The following EML5 variants were observed in gnomAD, a reference collection of about 807,000 sequenced individuals.
The protein encoded by EML5 is EMAP like 5, also known as echinoderm microtubule-associated protein-like 5.
EML5 carries 120 observed loss-of-function variants against 250.0 expected under a neutral mutation model. The ratio of observed to expected loss-of-function variants is 0.48; its 90% confidence interval spans 0.41 to 0.56. The LOEUF (loss-of-function observed/expected upper bound fraction) is 0.56. Ranked by LOEUF, EML5 falls within the 20% of genes least tolerant of loss-of-function variation. The pLI is 0.00. For synonymous variants in EML5, 771 were observed against 806.5 expected (o/e 0.96, Z 0.75); for missense variants, 2,006 against 2,437.6 (o/e 0.82, Z 3.73).
rs530892949 is a variant in EML5 at position 88,718,353 on chromosome 14, T to C, written c.1188-3158A>G. On this transcript the variant is annotated intron_variant, in intron 8 of 43. Transcript: ENST00000554922. ...AATGAGACTATCTAGGGAGAAAACA[T>C]AGAGTAAAAAGAAGAGAAAGTCTAG... Among the ~76,000 whole-genome samples the C allele has an allele frequency of 4.6e-4, 70 of 152,126 alleles. No homozygotes were observed. The South Asian group carries it at 0.011, about 23-fold the overall frequency.
intron 43 of EML5, 37 bp from the exon 44 acceptor site, chr14:88,615,891 T>C: frequency 1.9e-6 from 3 of 1,592,370 alleles, no homozygotes; most frequent in South Asian, 2.3e-5. Flanking sequence ...GAGTTAATTA[T>C]GTTTTTAGAT....
intron 18 of EML5, among the ~76,000 whole-genome samples, chr14:88,687,542 G>A (rs1055676854): frequency 6.6e-6 from 1 of 152,092 alleles, no homozygotes; most frequent in Non-Finnish European, 1.5e-5. Context: ...TTTACTTTTA[G>A]ATAGGGCTTT....
intron 1 of EML5, among the ~76,000 whole-genome samples, chr14:88,768,181 G>C (rs1034188712): frequency 6.6e-6 from 1 of 152,138 alleles, no homozygotes; most frequent in Non-Finnish European, 1.5e-5. Context: ...GTATCAGAAG[G>C]TTTAGGGTGT....
intron 30 of EML5, 89 bp from the exon 31 acceptor site, chr14:88,643,111 T>G (rs1452194153): frequency 8.0e-7 from 1 of 1,250,214 alleles, no homozygotes; most frequent in Non-Finnish European, 1.1e-6. Flanking sequence ...TAGTAGTGTC[T>G]GCAGTCAAAA....
chr14:88,627,478 G>C, intron 34 of EML5, 168 bp downstream of exon 34: 1 of 588,772 alleles, frequency 1.7e-6, no homozygotes, highest in Non-Finnish European at 2.8e-6. Context: ...GTTCCACTGG[G>C]CTTTTAAAGT....
chr14:88,681,033 ATT>A (rs1595497552), intron 21 of EML5, among the ~76,000 whole-genome samples: 1 of 152,248 alleles, frequency 6.6e-6, no homozygotes, highest in East Asian at 1.9e-4. Flanking sequence ...GGTAGTTAAG[ATT>A]AAAGATAGAA....
chr14:88,616,797 C>G lies in EML5; in HGVS notation c.5725G>C (p.Gly1909Arg). 1 of 1,613,932 alleles carries G rather than the reference C, an allele frequency of 6.2e-7. No homozygotes were observed. Among genetic ancestry groups the G allele is most frequent in the Non-Finnish European group, 8.5e-7 (1 of 1,179,842 alleles). ...DVNCACVSHSGISLVTGDDFG... is the reference protein window; with the variant it reads ...DVNCACVSHSRISLVTGDDFG... ...TCATCTCCTGTAACAAGACTGATTC[C>G]TGAATGAGATACACAGGCACAGTTG... Residue 1909 changes from glycine (G) to arginine (R), a missense_variant, in exon 42 of 44, where the codon GGA becomes CGA. Gly to Arg is a moderately radical substitution (Grantham distance 125, BLOSUM62 -2). This residue lies in a region of EML5 where 405 missense variants were observed against 523.3 expected (regional missense o/e 0.77). Transcript: ENST00000554922.
rs181915340 is a variant in EML5, at chr14:88,671,565, T to A, written c.3125-6076A>T. On this transcript the variant is annotated intron_variant, in intron 21 of 43. Coordinates refer to ENST00000554922, the MANE Select transcript of EML5 (RefSeq NM_183387.3). ...CACACATAACAATATTAACCTTAAA[T>A]GTAAATTGGCTAAATGCCCCAAATT... Among the ~76,000 whole-genome samples, 419 of 152,286 alleles carry A rather than the reference T, an allele frequency of 2.8e-3. 1 individual carries two copies. The highest frequency in any genetic ancestry group is 4.8e-3 in the Non-Finnish European group (325 of 68,026).
At chr14:88,656,435 G>C (rs1385019676) in intron 27 of EML5, among the ~76,000 whole-genome samples, 1 of 152,112 alleles carries the variant, frequency 6.6e-6, no homozygotes. Context: ...TATGGACACA[G>C]GGAGGGGAAT....
At chr14:88,636,068 G>A (rs2090707667) in intron 32 of EML5, among the ~76,000 whole-genome samples, 1 of 152,090 alleles carries the variant, frequency 6.6e-6, no homozygotes, top group Non-Finnish European at 1.5e-5. Flanking sequence ...TAAGACATGT[G>A]GTTATCCTAG....
At chr14:88,709,515 T>C (rs780649697) in intron 10 of EML5, among the ~76,000 whole-genome samples, 3 of 152,218 alleles carry the variant, frequency 2.0e-5, no homozygotes, top group Non-Finnish European at 4.4e-5. Flanking sequence ...ACCTCATTTG[T>C]AGTCAGACAA....
At chr14:88,718,767 G>A (rs568008667) in intron 8 of EML5, among the ~76,000 whole-genome samples, 1 of 152,114 alleles carries the variant, frequency 6.6e-6, no homozygotes, top group African/African-American at 2.4e-5. Flanking sequence ...GTAAGAGAGA[G>A]AGACTTTGGT....
chr14:88,716,972 C>G (rs1027431626), intron 8 of EML5, among the ~76,000 whole-genome samples: 2 of 152,124 alleles, frequency 1.3e-5, no homozygotes, highest in Non-Finnish European at 2.9e-5. Flanking sequence ...TATATGATCA[C>G]TATGGTTTCT....
At chr14:88,783,491 C>T (rs2094519070) in intron 1 of EML5, among the ~76,000 whole-genome samples, 1 of 151,690 alleles carries the variant, frequency 6.6e-6, no homozygotes, top group Admixed American at 6.6e-5. Context: ...TATTCCATGC[C>T]AATAGAAACC....
At chr14:88,688,990 A>C (rs1276371211) in intron 17 of EML5, among the ~76,000 whole-genome samples, 1 of 152,186 alleles carries the variant, frequency 6.6e-6, no homozygotes, top group Non-Finnish European at 1.5e-5. Flanking sequence ...TATAAATATC[A>C]TCCTGTATGT....
At chr14:88,716,359 T>C (rs1307671529) in intron 8 of EML5, among the ~76,000 whole-genome samples, 2 of 152,196 alleles carry the variant, frequency 1.3e-5, no homozygotes, top group Non-Finnish European at 2.9e-5. Flanking sequence ...TGCAAGGTCC[T>C]CTTCCTATGC....
intron 9 of EML5, among the ~76,000 whole-genome samples, chr14:88,713,157 C>T (rs1245981514): frequency 2.6e-5 from 4 of 152,082 alleles, no homozygotes; most frequent in Non-Finnish European, 4.4e-5. Context: ...TTTGGGAGGC[C>T]GAGACAGGCA....
chr14:88,618,675 A>C lies in EML5; in HGVS notation c.5513T>G (p.Phe1838Cys). 1 of 1,613,040 alleles carries C rather than the reference A, an allele frequency of 6.2e-7. No individual in the cohort carries two copies. Among genetic ancestry groups the C allele is most frequent in the Non-Finnish European group, 8.5e-7 (1 of 1,179,526 alleles). The change falls in exon 40 of 44, where the codon TTC (phenylalanine) becomes TGC (cysteine). Residue 1838 changes from phenylalanine to cysteine, a missense_variant. By Grantham distance (205) the Phe-to-Cys change is radical. Coordinates refer to ENST00000554922, the MANE Select transcript of EML5 (RefSeq NM_183387.3). ...DIPSFVIQMD[F>C]SADSSYLQVS... ...CTGGAGATAACTGCTATCTGCAGAG[A>C]AGTCCATTTGAATGACAAAGCTTGG... is the stretch of plus-strand genomic sequence containing the variant.
intron 1 of EML5, among the ~76,000 whole-genome samples, chr14:88,763,464 G>A (rs751912445): frequency 5.3e-5 from 8 of 151,866 alleles, no homozygotes; most frequent in South Asian, 2.1e-4. Flanking sequence ...GGAAGAAGTC[G>A]AATCCCTGAA....
Sources: gnomAD v4.1 joint callset for allele counts (sites outside exome capture counted in the v4.1 genomes callset) on GRCh38, gnomAD v4.1.1 for gene constraint, gnomAD v4.1.1 regional missense constraint, MANE v1.5 for transcripts, NCBI Gene and HGNC (gene_info 2026-07-23, HGNC 2026-07-21) for gene names.